The following SUGCT variants were observed in gnomAD, a reference collection of about 807,000 sequenced individuals.
SUGCT encodes succinyl-CoA:glutarate-CoA transferase, also known as succinyl-CoA:glutarate CoA-transferase.
A neutral mutation model predicts 55.0 loss-of-function variants in SUGCT; 41 were observed. The observed-to-expected ratio is 0.74, with a 90% CI of 0.58 to 0.97. The LOEUF (loss-of-function observed/expected upper bound fraction) is 0.97. Ranked by LOEUF, SUGCT falls within the 50% of genes least tolerant of loss-of-function variation. SUGCT has a pLI of 0.00. For synonymous variants in SUGCT, 187 were observed against 200.4 expected, an observed-to-expected ratio of 0.93 and a Z score of 0.56; for missense variants, 568 against 547.8, an observed-to-expected ratio of 1.04 and a Z score of -0.37.
At chr7:41,011,540 A>G in the SUGCT span, among the ~76,000 whole-genome samples, 2 of 152,248 alleles carry the variant, frequency 1.3e-5, no homozygotes, top group African/African-American at 2.4e-5. Context: ...AACTCAGACC[A>G]TACCCCAGAC....
chr7:40,480,508 G>T (rs1010664222), intron 11 of SUGCT, among the ~76,000 whole-genome samples: 1 of 152,138 alleles, frequency 6.6e-6, no homozygotes, highest in South Asian at 2.1e-4. Flanking sequence ...GTCTTTCATA[G>T]TTCCATATAA....
rs1385551250 is a variant in SUGCT at position 40,820,124 on chromosome 7, T to A, written c.1154-40192T>A. Among the ~76,000 whole-genome samples, 15 of 152,216 alleles carry A rather than the reference T, an allele frequency of 9.9e-5. 1 individual carries two copies. Among genetic ancestry groups the A allele is most frequent in the Admixed American group, 9.8e-4 (15 of 15,286 alleles). ...TTCTGTTCTGTTCCATTGGCCTATA[T>A]CTCTGTTTTGGTACCAGTACCATGC... On this transcript the variant is annotated intron_variant, in intron 13 of 13. Coordinates refer to ENST00000335693, the MANE Select transcript of SUGCT (RefSeq NM_001193313.2).
At chr7:40,274,375 A>T in intron 7 of SUGCT, 138 bp from the exon 8 acceptor site, 1 of 815,624 alleles carries the variant, frequency 1.2e-6, no homozygotes, top group South Asian at 2.4e-5. Context: ...AATTTATTTT[A>T]TTAACTTTCT....
At chr7:40,518,852 A>G (rs1304257199) in intron 12 of SUGCT, among the ~76,000 whole-genome samples, 1 of 152,110 alleles carries the variant, frequency 6.6e-6, no homozygotes, top group African/African-American at 2.4e-5. Flanking sequence ...CCAAATGACA[A>G]TAAATAGACC....
chr7:40,467,365 C>T (rs576376719), intron 11 of SUGCT, among the ~76,000 whole-genome samples: 1 of 152,124 alleles, frequency 6.6e-6, no homozygotes, highest in East Asian at 1.9e-4. Flanking sequence ...TATTTTGATA[C>T]AGGCATGCAA....
chr7:40,342,850 T>C (rs933563568), intron 9 of SUGCT, among the ~76,000 whole-genome samples: 2 of 152,066 alleles, frequency 1.3e-5, no homozygotes, highest in African/African-American at 4.8e-5. Flanking sequence ...ACCATGTTGG[T>C]CAGGCAGGTC....
At chr7:40,170,786 A>C (rs1328511500) in intron 1 of SUGCT, among the ~76,000 whole-genome samples, 2 of 151,910 alleles carry the variant, frequency 1.3e-5, no homozygotes. Context: ...GTTCCTTTCC[A>C]GGGTGCATAA....
intron 9 of SUGCT, among the ~76,000 whole-genome samples, chr7:40,347,536 A>G (rs1439539831): frequency 1.3e-5 from 2 of 152,198 alleles, no homozygotes; most frequent in African/African-American, 4.8e-5. Flanking sequence ...AAGATAGATG[A>G]ATTGAAGAAA....
chr7:40,454,692 G>A (rs972418676), intron 10 of SUGCT, among the ~76,000 whole-genome samples: 2 of 152,144 alleles, frequency 1.3e-5, no homozygotes, highest in African/African-American at 4.8e-5. Context: ...TAATGCTAGG[G>A]AAGAAGTGGC....
intron 13 of SUGCT, among the ~76,000 whole-genome samples, chr7:40,851,354 C>G (rs1793843168): frequency 6.6e-6 from 1 of 152,234 alleles, no homozygotes; most frequent in Middle Eastern, 3.4e-3. Context: ...TTGTGAGGAT[C>G]AAATTAGATA....
intron 12 of SUGCT, among the ~76,000 whole-genome samples, chr7:40,572,476 G>A (rs1796505568): frequency 6.6e-6 from 1 of 151,916 alleles, no homozygotes; most frequent in Admixed American, 6.6e-5. Flanking sequence ...TTGGAGGGGA[G>A]GATCTTACAT....
At chr7:40,649,836 C>G (rs1241593762) in intron 12 of SUGCT, among the ~76,000 whole-genome samples, 1 of 152,200 alleles carries the variant, frequency 6.6e-6, no homozygotes, top group Non-Finnish European at 1.5e-5. Context: ...TATTTTCTTA[C>G]TCTTAAATTT....
chr7:40,475,652 C>T (rs942359582), intron 11 of SUGCT, among the ~76,000 whole-genome samples: 2 of 152,122 alleles, frequency 1.3e-5, no homozygotes, highest in Non-Finnish European at 2.9e-5. Context: ...AGCATCATTT[C>T]GAATCCCAGG....
intron 12 of SUGCT, among the ~76,000 whole-genome samples, chr7:40,500,671 G>T (rs1421501775): frequency 6.6e-6 from 1 of 152,060 alleles, no homozygotes; most frequent in African/African-American, 2.4e-5. Flanking sequence ...CTCATTATTT[G>T]TATAAGCTTT....
chr7:40,796,424 A>T (rs1428257893), intron 13 of SUGCT, among the ~76,000 whole-genome samples: 2 of 152,210 alleles, frequency 1.3e-5, no homozygotes, highest in South Asian at 4.1e-4. Flanking sequence ...CTTCATACTA[A>T]CAAGAAGCAT....
Position 40,764,527 on chromosome 7 carries a change from A to G in SUGCT, c.1153+15030A>G, listed in dbSNP as rs375823475. Among the ~76,000 whole-genome samples, 31 of 152,296 alleles carry G rather than the reference A, an allele frequency of 2.0e-4. No individual in the cohort carries two copies. The South Asian group carries it at 6.4e-3, about 32-fold the overall frequency. Reference sequence around the variant, plus strand: ...AGGCTTTCTTCTTTTCTTCAAAAAAAATATAAATGGTATATTAGTACTGAT... The same window carrying G: ...AGGCTTTCTTCTTTTCTTCAAAAAAGATATAAATGGTATATTAGTACTGAT... On this transcript the variant is annotated intron_variant, in intron 13 of 13. Transcript: ENST00000335693.
At chr7:40,703,847 T>C (rs1357225581) in intron 12 of SUGCT, among the ~76,000 whole-genome samples, 1 of 152,166 alleles carries the variant, frequency 6.6e-6, no homozygotes, top group African/African-American at 2.4e-5. Flanking sequence ...AATAGCAACA[T>C]GTGGTCCCCA....
chr7:40,916,070 T>C, the SUGCT span, among the ~76,000 whole-genome samples: 27 of 144,848 alleles, frequency 1.9e-4, no homozygotes, highest in African/African-American at 5.5e-4. Flanking sequence ...TCTCTCTACA[T>C]ACACACACAC....
chr7:41,022,632 A>C, the SUGCT span, among the ~76,000 whole-genome samples: 1 of 152,212 alleles, frequency 6.6e-6, no homozygotes, highest in African/African-American at 2.4e-5. Flanking sequence ...AATGCTAGAA[A>C]AGAGCACAAT....
Sources: allele counts gnomAD v4.1 joint callset (sites outside exome capture counted in the v4.1 genomes callset), GRCh38; gene constraint gnomAD v4.1.1; transcripts MANE v1.5; gene names NCBI Gene and HGNC (gene_info 2026-07-23, HGNC 2026-07-21).